HIBADH: variants seen among roughly 807,000 people sequenced by gnomAD.
HIBADH encodes the protein 3-hydroxyisobutyrate dehydrogenase.
Under a neutral mutation model 36.1 loss-of-function variants are expected in HIBADH, and 25 were observed. The ratio of observed to expected loss-of-function variants is 0.69; its 90% CI spans 0.50 to 0.97. HIBADH has a LOEUF of 0.97. Ranked by LOEUF, HIBADH falls within the 50% of genes least tolerant of loss-of-function variation. The pLI, the probability that HIBADH is intolerant of heterozygous loss-of-function variation, is 0.00. For synonymous variants in HIBADH, 160 were observed against 149.5 expected (o/e 1.07, Z -0.51); for missense variants, 421 against 418.0 (o/e 1.01, Z -0.06).
At chr7:27,643,802 C>A (rs577843653) in intron 2 of HIBADH, among the ~76,000 whole-genome samples, 1 of 152,318 alleles carries the variant, frequency 6.6e-6, no homozygotes, top group East Asian at 1.9e-4. Flanking sequence ...CCTTTTCCAG[C>A]TTCTGATGGC....
rs73684004 is a variant in HIBADH at position 27,612,141 on chromosome 7, G to C, written c.484+17230C>G. On this transcript the variant is annotated intron_variant, in intron 4 of 7. Coordinates refer to ENST00000265395, the MANE Select transcript of HIBADH (RefSeq NM_152740.4). ...CTTCTTTGTATGAACTGGAAAATAA[G>C]GCAAGTCCCTTGTGGTGAAGATGCT... Among the ~76,000 whole-genome samples the C allele has an allele frequency of 2.0e-3, 310 of 152,154 alleles. 1 individual carries two copies. Among genetic ancestry groups the C allele is most frequent in the African/African-American group, 7.2e-3 (297 of 41,530 alleles).
intron 4 of HIBADH, among the ~76,000 whole-genome samples, chr7:27,567,669 G>C (rs1231630759): frequency 1.3e-5 from 2 of 148,278 alleles, no homozygotes; most frequent in Non-Finnish European, 3.0e-5. Context: ...ACACGTGTGT[G>C]ACTGACCTAG....
intron 4 of HIBADH, among the ~76,000 whole-genome samples, chr7:27,559,643 C>T (rs1294502694): frequency 6.6e-6 from 1 of 151,902 alleles, no homozygotes; most frequent in Non-Finnish European, 1.5e-5. Flanking sequence ...TCTCAAAAAA[C>T]AACAATAACA....
intron 4 of HIBADH, among the ~76,000 whole-genome samples, chr7:27,618,628 C>T (rs937769433): frequency 7.2e-5 from 11 of 152,196 alleles, no homozygotes; most frequent in African/African-American, 4.8e-5. Flanking sequence ...GACACAGGTG[C>T]CAGCATGTAT....
At chr7:27,557,871 T>C (rs1283177874) in intron 4 of HIBADH, among the ~76,000 whole-genome samples, 2 of 152,226 alleles carry the variant, frequency 1.3e-5, no homozygotes, top group Non-Finnish European at 2.9e-5. Context: ...GAACTAAGTA[T>C]TACTTGAAGA....
At chr7:27,583,036 T>C (rs915039316) in intron 4 of HIBADH, among the ~76,000 whole-genome samples, 4 of 152,134 alleles carry the variant, frequency 2.6e-5, no homozygotes, top group South Asian at 2.1e-4. Flanking sequence ...TAAGCTACCT[T>C]ACCTATCTTT....
Position 27,652,623 on chromosome 7 carries a change from A to G in HIBADH, c.92-2990T>C, listed in dbSNP as rs534074145. Among the ~76,000 whole-genome samples the G allele has an allele frequency of 2.6e-5, 4 of 152,364 alleles. No individual in the cohort carries two copies. In the South Asian group the frequency reaches 6.2e-4, roughly 24 times the overall value. ...AGTTCTGGAGGCCAGGAAGTCCAACATGAAGGTGACAGCAGATCCAGTGTC... is the reference window on the plus strand; with the variant it reads ...AGTTCTGGAGGCCAGGAAGTCCAACGTGAAGGTGACAGCAGATCCAGTGTC... On this transcript the variant is annotated intron_variant, in intron 1 of 7. Transcript: ENST00000265395.
chr7:27,657,354 G>A (rs970931169), intron 1 of HIBADH, among the ~76,000 whole-genome samples: 6 of 152,152 alleles, frequency 3.9e-5, no homozygotes, highest in African/African-American at 1.4e-4. Flanking sequence ...AAGAAAGCAT[G>A]TCTATGTACT....
At chr7:27,634,480 T>C (rs1785802995) in intron 2 of HIBADH, among the ~76,000 whole-genome samples, 1 of 152,060 alleles carries the variant, frequency 6.6e-6, no homozygotes, top group African/African-American at 2.4e-5. Flanking sequence ...TAGAGCTCAG[T>C]GAAATAAGAA....
chr7:27,531,614 T>C (rs1419281613), intron 6 of HIBADH, among the ~76,000 whole-genome samples: 1 of 152,218 alleles, frequency 6.6e-6, no homozygotes, highest in Admixed American at 6.5e-5. Flanking sequence ...AAAAATAATA[T>C]ACAATTGCAT....
At chr7:27,626,372 C>G (rs1326538432) in intron 4 of HIBADH, among the ~76,000 whole-genome samples, 1 of 152,124 alleles carries the variant, frequency 6.6e-6, no homozygotes, top group Non-Finnish European at 1.5e-5. Flanking sequence ...AGTGGTTCTT[C>G]ACATTGGTTT....
In HIBADH at chr7:27,556,709, T is replaced by C. The variant is rs186478737; in HGVS notation, c.485-13609A>G. Among the ~76,000 whole-genome samples the C allele has an allele frequency of 2.4e-4, 36 of 152,344 alleles. No homozygotes were observed. The East Asian group carries it at 6.6e-3, about 28-fold the overall frequency. ...GCCTTACTCAGATTCTAAGTACCTATACATACAAAGGTCTGTTTGGGGACT... is the reference window on the plus strand; with the variant it reads ...GCCTTACTCAGATTCTAAGTACCTACACATACAAAGGTCTGTTTGGGGACT... On this transcript the variant is annotated intron_variant, in intron 4 of 7. Transcript: ENST00000265395.
chr7:27,617,986 A>C (rs754839601), intron 4 of HIBADH, among the ~76,000 whole-genome samples: 2 of 152,202 alleles, frequency 1.3e-5, no homozygotes, highest in Non-Finnish European at 2.9e-5. Flanking sequence ...ACCTGGGACA[A>C]AGGAAACTGA....
chr7:27,649,714 G>T, intron 1 of HIBADH, 81 bp from the exon 2 acceptor site: 7 of 1,292,610 alleles, frequency 5.4e-6, no homozygotes, highest in Admixed American at 2.6e-5. Context: ...CAAGTCAATT[G>T]TTAGATTTTT....
At chr7:27,637,750 C>G (rs1008866409) in intron 2 of HIBADH, among the ~76,000 whole-genome samples, 5 of 152,108 alleles carry the variant, frequency 3.3e-5, no homozygotes, top group Non-Finnish European at 5.9e-5. Context: ...TCCCAAGACA[C>G]AAAATCAATG....
chr7:27,531,698 G>A (rs1431479248), intron 6 of HIBADH, among the ~76,000 whole-genome samples: 1 of 152,066 alleles, frequency 6.6e-6, no homozygotes, highest in East Asian at 1.9e-4. Context: ...TGTCACATAA[G>A]AACCTTAAAA....
At chr7:27,652,503 A>G (rs1481633483) in intron 1 of HIBADH, among the ~76,000 whole-genome samples, 2 of 152,216 alleles carry the variant, frequency 1.3e-5, no homozygotes, top group African/African-American at 4.8e-5. Context: ...CAAGAAGACC[A>G]ATATAAAAGT....
At chr7:27,546,115 A>G (rs1784232558) in intron 4 of HIBADH, among the ~76,000 whole-genome samples, 1 of 151,984 alleles carries the variant, frequency 6.6e-6, no homozygotes, top group African/African-American at 2.4e-5. Flanking sequence ...CTATTTATTT[A>G]TTTATTTTTT....
rs749409778 is a variant in HIBADH at position 27,649,475 on chromosome 7, G to C, written c.250C>G (p.Gln84Glu). 2 of 1,605,374 alleles carry C rather than the reference G, an allele frequency of 1.2e-6. No individual in the cohort carries two copies. The highest frequency in any genetic ancestry group is 1.1e-5 in the South Asian group (1 of 89,418). ...ACKEFQDAGE[Q>E]VVSSPADVAE... is the part of the protein sequence containing the mutation. ...CAAATCTAAAGAAAAGGTCTTACCT[G>C]TTCACCTGCATCTTGAAACTCTTTG... Residue 84 changes from glutamine (Q) to glutamate (E), a missense_variant and splice_region_variant, in exon 2 of 8, where the codon CAG becomes GAG. By Grantham distance (29) the Gln-to-Glu change is conservative. Transcript: ENST00000265395.
Sources: allele counts gnomAD v4.1 joint callset (sites outside exome capture counted in the v4.1 genomes callset), GRCh38; gene constraint gnomAD v4.1.1; transcripts MANE v1.5; gene names NCBI Gene and HGNC (gene_info 2026-07-23, HGNC 2026-07-21).